The following ATAD1 variants were observed in gnomAD, a reference collection of about 807,000 sequenced individuals.
The protein encoded by ATAD1 is ATPase family AAA domain containing 1.
In ATAD1, 18 loss-of-function variants were observed where a neutral mutation model predicts 42.7. The observed-to-expected ratio is 0.42, with a 90% CI of 0.29 to 0.63. ATAD1 has a LOEUF of 0.63. Among genes scored for constraint, ATAD1 ranks in the 20% least tolerant of loss-of-function variants. The probability of loss-of-function intolerance (pLI) is 0.19; values close to 1 mark genes in which losing one functional copy is unlikely to be tolerated. For synonymous variants in ATAD1, 132 were observed against 143.1 expected, an observed-to-expected ratio of 0.92 and a Z score of 0.55; for missense variants, 294 against 440.4, an observed-to-expected ratio of 0.67 and a Z score of 2.98.
intron 3 of ATAD1, among the ~76,000 whole-genome samples, chr10:87,791,030 C>CAAAAAAAAA (rs34722647): frequency 8.8e-4 from 58 of 66,190 alleles, no homozygotes; most frequent in Non-Finnish European, 1.2e-3. Flanking sequence ...ACTAAAATTA[C>CAAAAAAAAA]AAAAAAAAAA....
At chr10:87,811,158 C>T (rs1857159283) in intron 2 of ATAD1, among the ~76,000 whole-genome samples, 1 of 151,998 alleles carries the variant, frequency 6.6e-6, no homozygotes, top group African/African-American at 2.4e-5. Flanking sequence ...CATGGTGAAA[C>T]CCCGTCTCTA....
chr10:87,763,328 T>A (rs1854585899), intron 8 of ATAD1, among the ~76,000 whole-genome samples: 1 of 152,156 alleles, frequency 6.6e-6, no homozygotes, highest in South Asian at 2.1e-4. Flanking sequence ...CTAGGTTCTT[T>A]AAGCTTTTGC....
chr10:87,769,425 C>T (rs1040507998), intron 7 of ATAD1, among the ~76,000 whole-genome samples: 4 of 152,186 alleles, frequency 2.6e-5, no homozygotes, highest in Non-Finnish European at 4.4e-5. Context: ...TCCTATCATC[C>T]TTCAAGGTCC....
intron 5 of ATAD1, among the ~76,000 whole-genome samples, chr10:87,781,787 C>T (rs930009317): frequency 3.9e-5 from 6 of 152,024 alleles, no homozygotes; most frequent in Non-Finnish European, 8.8e-5. Flanking sequence ...GGACTAGAGG[C>T]ATGCGTTACC....
chr10:87,759,719 G>A (rs1854393386), intron 8 of ATAD1: 1 of 454,406 alleles, frequency 2.2e-6, no homozygotes, highest in African/African-American at 2.0e-5. Flanking sequence ...TTAAGAGTAG[G>A]CTCCATCACT....
At chr10:87,813,217 C>T (rs1857263145) in intron 2 of ATAD1, among the ~76,000 whole-genome samples, 1 of 152,042 alleles carries the variant, frequency 6.6e-6, no homozygotes, top group Non-Finnish European at 1.5e-5. Flanking sequence ...AAAGTCACAC[C>T]TCTGCTTTTT....
intron 6 of ATAD1, among the ~76,000 whole-genome samples, chr10:87,771,402 C>G (rs1855023617): frequency 6.6e-6 from 1 of 151,884 alleles, no homozygotes; most frequent in African/African-American, 2.4e-5. Context: ...TGACTAAAAC[C>G]CATTATGTTA....
At chr10:87,773,992 T>G (rs1008887303) in intron 6 of ATAD1, among the ~76,000 whole-genome samples, 5 of 152,192 alleles carry the variant, frequency 3.3e-5, no homozygotes, top group African/African-American at 1.2e-4. Context: ...TTACCTAAAT[T>G]TATCTATGTT....
At position 87,826,338 on chromosome 10, in the gene ATAD1, A is replaced by C. The variant is rs894934828; in HGVS notation, c.-13-11726T>G. On this transcript the variant is annotated intron_variant, in intron 1 of 4. Coordinates refer to the ATAD1 transcript ENST00000495903. The stretch of plus-strand genomic sequence containing the variant: ...TCTAGCCTGCTGCTTATTCAGTTGA[A>C]ATATCAGCAATTCTGAAACCTTTGA... Among the ~76,000 whole-genome samples, 7 of 152,214 alleles carry C rather than the reference A, an allele frequency of 4.6e-5. No individual in the cohort carries two copies. In the East Asian group the frequency reaches 1.2e-3, roughly 25 times the overall value.
At chr10:87,770,875 C>T (rs1023689843) in intron 7 of ATAD1, 77 bp downstream of exon 7, 13 of 1,322,198 alleles carry the variant, frequency 9.8e-6, no homozygotes, top group Non-Finnish European at 1.4e-5. Context: ...CAAAATATTC[C>T]CTTCTTAAAA....
At chr10:87,770,913 A>T (rs1240441808) in intron 7 of ATAD1, 39 bp downstream of exon 7, 1 of 1,543,862 alleles carries the variant, frequency 6.5e-7, no homozygotes, top group East Asian at 2.3e-5. Flanking sequence ...TAAAAAGGTG[A>T]GTATTTAACT....
intron 5 of ATAD1, among the ~76,000 whole-genome samples, chr10:87,777,432 G>A (rs1323460016): frequency 6.6e-6 from 1 of 152,044 alleles, no homozygotes; most frequent in Non-Finnish European, 1.5e-5. Flanking sequence ...TAATTACGTT[G>A]TATTATAGCT....
intron 1 of ATAD1, among the ~76,000 whole-genome samples, chr10:87,838,736 T>TTTTCTC (rs1554887925): frequency 2.8e-4 from 37 of 131,798 alleles, no homozygotes; most frequent in African/African-American, 9.8e-4. Context: ...CTCATTCATA[T>TTTTCTC]TCTCTCTCTC....
At chr10:87,791,204 C>CAAA (rs33991078) in intron 3 of ATAD1, among the ~76,000 whole-genome samples, 1 of 97,242 alleles carries the variant, frequency 1.0e-5, no homozygotes, top group South Asian at 3.4e-4. Context: ...GACTCTGTCT[C>CAAA]AAAAAAAAAA....
At chr10:87,811,038 T>C (rs944060473) in intron 2 of ATAD1, among the ~76,000 whole-genome samples, 1 of 152,144 alleles carries the variant, frequency 6.6e-6, no homozygotes, top group African/African-American at 2.4e-5. Context: ...CATGAATGCC[T>C]TTAAGATTTT....
chr10:87,819,000 T>C (rs1313555162), upstream of ATAD1: 1 of 151,982 alleles, frequency 6.6e-6, no homozygotes, highest in Non-Finnish European at 1.5e-5. Context: ...CATTAGACAC[T>C]CCTGAGATAC....
chr10:87,784,673 G>A lies in ATAD1; in HGVS notation c.383-3C>T, dbSNP rs1589504282. The A allele has an allele frequency of 1.2e-6, 2 of 1,611,064 alleles. No homozygotes were observed. Among genetic ancestry groups the A allele is most frequent in the Non-Finnish European group, 1.7e-6 (2 of 1,178,920 alleles). On this transcript the variant is annotated splice_region_variant and splice_polypyrimidine_tract_variant and intron_variant, in intron 4 of 9. Coordinates refer to ENST00000680024, the MANE Select transcript of ATAD1 (RefSeq NM_001321967.2). Reference sequence around the variant, plus strand: ...TGGAGGCCCATAGAGAAGAACACCTGGAAATGAATATGTTATTTATTACCT... The same window carrying A: ...TGGAGGCCCATAGAGAAGAACACCTAGAAATGAATATGTTATTTATTACCT...
intron 4 of ATAD1, among the ~76,000 whole-genome samples, chr10:87,789,145 G>T (rs1855974637): frequency 6.6e-6 from 1 of 152,100 alleles, no homozygotes; most frequent in Non-Finnish European, 1.5e-5. Flanking sequence ...AATTTAGAAA[G>T]ATTATAAGCA....
At chr10:87,822,706 A>AT (rs902158186), upstream of ATAD1, among the ~76,000 whole-genome samples, 1 of 152,184 alleles carries the variant, frequency 6.6e-6, no homozygotes, top group Non-Finnish European at 1.5e-5. Flanking sequence ...GATAGAAAAA[A>AT]TAAGATCTAG....
Sources: gnomAD v4.1 joint callset for allele counts (sites outside exome capture counted in the v4.1 genomes callset) on GRCh38, gnomAD v4.1.1 for gene constraint, MANE v1.5 for transcripts, NCBI Gene and HGNC (gene_info 2026-07-23, HGNC 2026-07-21) for gene names.